WWOX: variants seen among roughly 807,000 people sequenced by gnomAD.
WWOX encodes the protein WW domain containing oxidoreductase, also known as WW domain-containing oxidoreductase.
In WWOX, 69 loss-of-function variants were observed where a neutral mutation model predicts 46.2. The observed-to-expected ratio is 1.49, with a 90% confidence interval of 1.23 to 1.82. The LOEUF is 1.82. Ranked by LOEUF, WWOX falls within the 40% of genes most tolerant of loss-of-function variation. The probability of loss-of-function intolerance (pLI) is 0.00; values close to 1 mark genes in which losing one functional copy is unlikely to be tolerated. For synonymous variants in WWOX, 359 were observed against 202.6 expected (o/e 1.77, Z -6.56); for missense variants, 919 against 542.6 (o/e 1.69, Z -6.89).
intron 8 of WWOX, among the ~76,000 whole-genome samples, chr16:78,453,371 G>C: frequency 6.6e-6 from 1 of 151,636 alleles, no homozygotes; most frequent in African/African-American, 2.4e-5. Flanking sequence ...GGCAGTGAGT[G>C]GAGATCACGC....
chr16:79,080,591 C>T (rs935095519), intron 8 of WWOX, among the ~76,000 whole-genome samples: 3 of 152,180 alleles, frequency 2.0e-5, no homozygotes, highest in Middle Eastern at 3.2e-3. Context: ...AATCCAAATT[C>T]CTGGATTTGG....
Position 78,900,537 on chromosome 16 carries a change from C to G in WWOX, c.1057-311071C>G, listed in dbSNP as rs1032453256. ...CCTATTCACATAAGAATTTTCTAAGCAGAGGTTCCAATTTGGATATTTCGT... is the reference window on the plus strand; with the variant it reads ...CCTATTCACATAAGAATTTTCTAAGGAGAGGTTCCAATTTGGATATTTCGT... On this transcript the variant is annotated intron_variant, in intron 8 of 8. Transcript: ENST00000566780. Among the ~76,000 whole-genome samples the G allele has an allele frequency of 3.3e-5, 5 of 152,176 alleles. 1 individual carries two copies. Among genetic ancestry groups the G allele is most frequent in the African/African-American group, 9.7e-5 (4 of 41,446 alleles).
intron 4 of WWOX, among the ~76,000 whole-genome samples, chr16:78,146,842 A>T (rs183402247): frequency 3.3e-5 from 5 of 152,222 alleles, no homozygotes. Context: ...GCATCCTGGC[A>T]TGTGAAAGAA....
chr16:79,133,130 T>C (rs953192340), intron 8 of WWOX, among the ~76,000 whole-genome samples: 1 of 152,242 alleles, frequency 6.6e-6, no homozygotes, highest in Admixed American at 6.5e-5. Flanking sequence ...CCTGCTAATT[T>C]AGCATGGTGT....
At chr16:78,758,489 G>A (rs2049712581) in intron 8 of WWOX, among the ~76,000 whole-genome samples, 1 of 152,192 alleles carries the variant, frequency 6.6e-6, no homozygotes, top group Admixed American at 6.5e-5. Flanking sequence ...ATTGGAAGCA[G>A]GCTTCCCCCA....
intron 8 of WWOX, among the ~76,000 whole-genome samples, chr16:78,498,955 T>G (rs898495689): frequency 3.9e-5 from 6 of 152,186 alleles, no homozygotes; most frequent in African/African-American, 1.4e-4. Context: ...ATTGTTAAGA[T>G]GGAATATTAT....
chr16:79,000,427 T>C (rs554204977), intron 8 of WWOX, among the ~76,000 whole-genome samples: 59 of 152,268 alleles, frequency 3.9e-4, no homozygotes, highest in African/African-American at 1.3e-3. Flanking sequence ...TGAAAGATCA[T>C]CCTGGATTAT....
chr16:78,929,977 G>T (rs948937121), intron 8 of WWOX, among the ~76,000 whole-genome samples: 1 of 152,150 alleles, frequency 6.6e-6, no homozygotes, highest in Non-Finnish European at 1.5e-5. Flanking sequence ...CTAGCTCTCT[G>T]TGACCGTGTG....
chr16:78,882,606 GCCTCCC>G (rs2044366774), intron 8 of WWOX, among the ~76,000 whole-genome samples: 1 of 33,066 alleles, frequency 3.0e-5, no homozygotes, highest in Non-Finnish European at 6.1e-5. Flanking sequence ...CTCCCGAGTA[GCCTCCC>G]GAGTAGCTGG....
At chr16:79,053,017 G>T (rs540050224) in intron 8 of WWOX, among the ~76,000 whole-genome samples, 3 of 152,056 alleles carry the variant, frequency 2.0e-5, no homozygotes, top group East Asian at 1.9e-4. Flanking sequence ...GCAAAAGCAG[G>T]TGGGAACAGG....
chr16:78,895,456 G>T (rs2044680958), intron 8 of WWOX: 1 of 152,236 alleles, frequency 6.6e-6, no homozygotes, highest in Admixed American at 6.5e-5. Flanking sequence ...TGGCAGTGGT[G>T]ACGATGGCCT....
chr16:78,915,950 C>T (rs1461119594), intron 8 of WWOX, among the ~76,000 whole-genome samples: 1 of 152,228 alleles, frequency 6.6e-6, no homozygotes, highest in East Asian at 1.9e-4. Context: ...CAATCAATGC[C>T]CAGAAATGAA....
chr16:78,962,450 C>G (rs2046289498), intron 8 of WWOX, among the ~76,000 whole-genome samples: 1 of 151,654 alleles, frequency 6.6e-6, no homozygotes, highest in African/African-American at 2.4e-5. Context: ...GCCAAGCTTA[C>G]TCTCAGGGAT....
chr16:78,794,401 AAAAT>A lies in WWOX; in HGVS notation c.1056+361657_1056+361660del, dbSNP rs1480614104. On this transcript the variant is annotated intron_variant, in intron 8 of 8. Transcript: ENST00000566780. Reference sequence around the variant, plus strand: ...TGTAACAAACAAATAAACAAAAAACAAAATAAATAAAAGCTACCCAGCTTAGATT... The same window carrying A: ...TGTAACAAACAAATAAACAAAAAACAAAATAAAAGCTACCCAGCTTAGATT... Among the ~76,000 whole-genome samples, 7 of 152,334 alleles carry A rather than the reference AAAAT, an allele frequency of 4.6e-5. No homozygotes were observed. In the East Asian group the frequency reaches 7.7e-4, roughly 17 times the overall value.
At chr16:78,990,426 C>G (rs752727578) in intron 8 of WWOX, among the ~76,000 whole-genome samples, 1 of 152,146 alleles carries the variant, frequency 6.6e-6, no homozygotes, top group Non-Finnish European at 1.5e-5. Context: ...GAATGGCTGT[C>G]TAGCTTCAGT....
chr16:78,941,833 A>AT (rs1832909628), intron 8 of WWOX, among the ~76,000 whole-genome samples: 1 of 151,962 alleles, frequency 6.6e-6, no homozygotes, highest in Non-Finnish European at 1.5e-5. Flanking sequence ...TTTTACTACT[A>AT]TTTTTTCTTT....
intron 8 of WWOX, among the ~76,000 whole-genome samples, chr16:78,667,304 C>T (rs1472351144): frequency 6.6e-6 from 1 of 152,180 alleles, no homozygotes; most frequent in African/African-American, 2.4e-5. Flanking sequence ...CAAGCTTGGA[C>T]AGGCTGACAT....
chr16:78,765,089 A>G (rs1182613447), intron 8 of WWOX, among the ~76,000 whole-genome samples: 2 of 152,112 alleles, frequency 1.3e-5, no homozygotes. Context: ...GTGCCTGGAG[A>G]GGATGGGTGG....
At chr16:78,498,856 G>C (rs1373068725) in intron 8 of WWOX, among the ~76,000 whole-genome samples, 3 of 106,352 alleles carry the variant, frequency 2.8e-5, no homozygotes, top group Non-Finnish European at 7.1e-5. Context: ...AGGAGCCACT[G>C]TTACTGGTCT....
Sources: allele counts gnomAD v4.1 joint callset (sites outside exome capture counted in the v4.1 genomes callset), GRCh38; gene constraint gnomAD v4.1.1; transcripts MANE v1.5; gene names NCBI Gene and HGNC (gene_info 2026-07-23, HGNC 2026-07-21).